The following FAM167A variants were observed in gnomAD, a reference collection of about 807,000 sequenced individuals.
FAM167A encodes the protein family with sequence similarity 167 member A, also known as protein FAM167A.
In FAM167A, 23 loss-of-function variants were observed where a neutral mutation model predicts 14.9. The observed-to-expected ratio is 1.55, with a 90% confidence interval of 1.11 to 2.19. The LOEUF is 2.19. Ranked by LOEUF, FAM167A falls within the 30% of genes most tolerant of loss-of-function variation. FAM167A has a pLI of 0.00. For missense variants in FAM167A, 401 were observed against 281.5 expected, an observed-to-expected ratio of 1.42 and a Z score of -3.04; for synonymous variants, 174 against 117.7, an observed-to-expected ratio of 1.48 and a Z score of -3.10.
intron 1 of FAM167A, among the ~76,000 whole-genome samples, chr8:11,457,050 G>A (rs1416254514): frequency 1.7e-5 from 2 of 117,106 alleles, no homozygotes; most frequent in African/African-American, 6.8e-5. Flanking sequence ...CTGGGTTAAG[G>A]AAGTGGGTGG....
chr8:11,464,699 G>A (rs1405366672), intron 1 of FAM167A, among the ~76,000 whole-genome samples: 1 of 152,170 alleles, frequency 6.6e-6, no homozygotes, highest in Non-Finnish European at 1.5e-5. Context: ...CAAGTCCCTT[G>A]GGAAAGCACA....
rs1352151615 is a variant in FAM167A at position 11,421,846 on chromosome 8, A to G, written c.*2527T>C. ...GTGGTGAGCCAGGAGGCTGGGACGG[A>G]GGTTAGGCCAATGTTGCTGCTGACT... On this transcript the variant is annotated 3_prime_UTR_variant, in exon 3 of 3. Coordinates refer to ENST00000284486, the MANE Select transcript of FAM167A (RefSeq NM_053279.3). The G allele has an allele frequency of 2.5e-6, 1 of 398,528 alleles. No individual in the cohort carries two copies. Among genetic ancestry groups the G allele is most frequent in the Non-Finnish European group, 4.4e-6 (1 of 226,026 alleles). The allele number at this position is 398,528 out of a possible 1,614,324, so 24.7% of individuals were successfully genotyped here.
intron 2 of FAM167A, among the ~76,000 whole-genome samples, chr8:11,432,946 C>T (rs943884050): frequency 7.2e-5 from 11 of 152,168 alleles, no homozygotes; most frequent in African/African-American, 2.7e-4. Context: ...CCATCATTCT[C>T]AGCAAACCAA....
At chr8:11,468,178 GA>G (rs781115492), upstream of FAM167A, among the ~76,000 whole-genome samples, 23 of 152,302 alleles carry the variant, frequency 1.5e-4, no homozygotes, top group Admixed American at 4.6e-4. Flanking sequence ...CTTAAGAATG[GA>G]AATCCAGTCT....
Position 11,432,487 on chromosome 8 carries a change from T to C in FAM167A, c.382-7851A>G, listed in dbSNP as rs1805678035. Among the ~76,000 whole-genome samples the C allele has an allele frequency of 5.3e-5, 8 of 152,302 alleles. No homozygotes were observed. The South Asian group carries it at 1.7e-3, about 32-fold the overall frequency. On this transcript the variant is annotated intron_variant, in intron 2 of 2. Coordinates refer to ENST00000284486, the MANE Select transcript of FAM167A (RefSeq NM_053279.3). ...AAAAAACACTCATCATCACTGGTCATTAGAGAAATGCAAATCAAAATCACA... is the reference window on the plus strand; with the variant it reads ...AAAAAACACTCATCATCACTGGTCACTAGAGAAATGCAAATCAAAATCACA...
chr8:11,424,405 T>G lies in FAM167A; in HGVS notation c.613A>C (p.Asn205His), dbSNP rs754451449. Residue 205 changes from asparagine (N) to histidine (H), a missense_variant, in exon 3 of 3, where the codon AAC becomes CAC. Transcript: ENST00000284486. The part of the protein sequence containing the change: ...PLKLIGVTKM[N>H]INSRRFSLC ...AGAGAGAACCTCCGAGAGTTGATGTTCATCTTGGTCACGCCAATAAGCTTG... is the reference window on the plus strand; with the variant it reads ...AGAGAGAACCTCCGAGAGTTGATGTGCATCTTGGTCACGCCAATAAGCTTG... 6.2e-7 allele frequency: 1 copy of G among 1,613,894 alleles called. No homozygotes were observed. The highest frequency in any genetic ancestry group is 1.1e-5 in the South Asian group (1 of 91,014).
At position 11,466,320 on chromosome 8, in the gene FAM167A, G is replaced by T. The variant is rs144314031; in HGVS notation, c.-398+306C>A. The stretch of plus-strand genomic sequence containing the variant: ...CTGAGTGCGGCCCTCCCTCTCAGAC[G>T]GCAGACCCCGAACCTCCACCCAGAA... On this transcript the variant is annotated intron_variant, in intron 1 of 2. Transcript: ENST00000284486. Among the ~76,000 whole-genome samples the T allele has an allele frequency of 6.8e-3, 1,040 of 152,336 alleles. 17 individuals carry two copies. Among genetic ancestry groups the T allele is most frequent in the African/African-American group, 0.024 (1,005 of 41,582 alleles).
chr8:11,448,563 C>T (rs1194843676), intron 1 of FAM167A, among the ~76,000 whole-genome samples: 2 of 152,182 alleles, frequency 1.3e-5, no homozygotes, highest in Non-Finnish European at 2.9e-5. Context: ...CAATCCCTGC[C>T]CCCTCACATC....
At chr8:11,464,549 G>A (rs73663148) in intron 1 of FAM167A, among the ~76,000 whole-genome samples, 2 of 152,120 alleles carry the variant, frequency 1.3e-5, no homozygotes, top group African/African-American at 2.4e-5. Context: ...CCAAGTCTCG[G>A]GGTGCATTTG....
At chr8:11,475,770 C>T (rs1255736881) in intron 1 of FAM167A, among the ~76,000 whole-genome samples, 2 of 152,174 alleles carry the variant, frequency 1.3e-5, no homozygotes, top group African/African-American at 4.8e-5. Context: ...GATTCTAGCT[C>T]CTTTCCCCTG....
chr8:11,442,211 C>T (rs891420918), intron 2 of FAM167A, among the ~76,000 whole-genome samples: 9 of 152,190 alleles, frequency 5.9e-5, no homozygotes, highest in Admixed American at 5.9e-4. Context: ...GCACTTCATG[C>T]TGCTTGGCTC....
upstream of FAM167A, among the ~76,000 whole-genome samples, chr8:11,470,133 T>C (rs372738246): frequency 6.6e-6 from 1 of 152,114 alleles, no homozygotes; most frequent in African/African-American, 2.4e-5. Flanking sequence ...ATACGCTAAG[T>C]AAATAAGCAA....
intron 2 of FAM167A, among the ~76,000 whole-genome samples, chr8:11,429,871 T>TTC (rs1805455607): frequency 6.6e-6 from 1 of 152,208 alleles, no homozygotes; most frequent in African/African-American, 2.4e-5. Flanking sequence ...TTCTCATCTC[T>TTC]TCTAAGGACA....
At chr8:11,457,492 CACTT>C (rs1807381558) in intron 1 of FAM167A, among the ~76,000 whole-genome samples, 1 of 152,018 alleles carries the variant, frequency 6.6e-6, no homozygotes, top group African/African-American at 2.4e-5. Flanking sequence ...CGGAGCTCAT[CACTT>C]ACTCCGTGAT....
At position 11,422,038 on chromosome 8, in the gene FAM167A, T is replaced by C. The variant is rs569907134; in HGVS notation, c.*2335A>G. On this transcript the variant is annotated 3_prime_UTR_variant, in exon 3 of 3. Transcript: ENST00000284486. ...ACCTCCTCATCCCATAATAAAGTTCTCTTAGGATAAACCGAGCAAAATAGC... is the reference window on the plus strand; with the variant it reads ...ACCTCCTCATCCCATAATAAAGTTCCCTTAGGATAAACCGAGCAAAATAGC... The C allele has an allele frequency of 2.6e-6, 1 of 390,058 alleles. No homozygotes were observed. The highest frequency in any genetic ancestry group is 1.4e-4 in the South Asian group (1 of 6,940). 24.2% of individuals were successfully genotyped at this position (390,058 alleles called of 1,614,324 possible). A position where few individuals can be genotyped will look rare whatever the true frequency, so the allele number is the denominator to read the frequency against.
chr8:11,444,999 GA>G, intron 1 of FAM167A, 191 bp from the exon 2 acceptor site: 1 of 533,880 alleles, frequency 1.9e-6, no homozygotes. Context: ...ATGAGCAATT[GA>G]AAAATTGTGC....
intron 2 of FAM167A, among the ~76,000 whole-genome samples, chr8:11,426,286 T>C (rs186730333): frequency 1.3e-5 from 2 of 152,322 alleles, no homozygotes; most frequent in East Asian, 3.9e-4. Flanking sequence ...AGTTATGTCT[T>C]TGCTTGTAAC....
At chr8:11,451,646 G>A (rs541705757) in intron 1 of FAM167A, among the ~76,000 whole-genome samples, 12 of 152,210 alleles carry the variant, frequency 7.9e-5, no homozygotes, top group Non-Finnish European at 1.5e-4. Flanking sequence ...CTGGTGACCA[G>A]GTGTGAGCAT....
chr8:11,438,565 T>C, intron 2 of FAM167A: 1 of 451,242 alleles, frequency 2.2e-6, no homozygotes, highest in Non-Finnish European at 4.4e-6. Flanking sequence ...TGATTATACA[T>C]GATATATTCC....
Sources: gnomAD v4.1 joint callset for allele counts (sites outside exome capture counted in the v4.1 genomes callset) on GRCh38, gnomAD v4.1.1 for gene constraint, MANE v1.5 for transcripts, NCBI Gene and HGNC (gene_info 2026-07-23, HGNC 2026-07-21) for gene names.